The following MOB1B variants were observed in gnomAD, a reference collection of about 807,000 sequenced individuals.
MOB1B encodes MOB kinase activator 1B, also known as MOB1 Mps One Binder homolog B.
MOB1B carries 19 observed loss-of-function variants against 24.4 expected under a neutral mutation model. The ratio of observed to expected loss-of-function variants is 0.78; its 90% CI spans 0.54 to 1.14. The LOEUF is 1.14. MOB1B is among the 50% of genes most tolerant of loss of function. The pLI, the probability that MOB1B is intolerant of heterozygous loss-of-function variation, is 0.00. For synonymous variants in MOB1B, 76 were observed against 82.1 expected, an observed-to-expected ratio of 0.93 and a Z score of 0.40; for missense variants, 243 against 259.6, an observed-to-expected ratio of 0.94 and a Z score of 0.44.
At chr4:70,941,327 G>C (rs1026691294) in intron 1 of MOB1B, among the ~76,000 whole-genome samples, 1 of 152,000 alleles carries the variant, frequency 6.6e-6, no homozygotes, top group African/African-American at 2.4e-5. Flanking sequence ...TGCAACTTAA[G>C]AAATTTGTTT....
chr4:70,943,318 C>G (rs1015799871), intron 1 of MOB1B, among the ~76,000 whole-genome samples: 2 of 152,100 alleles, frequency 1.3e-5, no homozygotes, highest in Admixed American at 6.6e-5. Flanking sequence ...TAGTTTTGCC[C>G]ATTGAACAGC....
chr4:70,958,810 G>A, intron 1 of MOB1B, 64 bp from the exon 2 acceptor site: 1 of 1,406,818 alleles, frequency 7.1e-7, no homozygotes, highest in Non-Finnish European at 1.0e-6. Context: ...AATGCTTGGT[G>A]AATGACTCTA....
At chr4:70,948,338 A>G (rs577288794) in intron 1 of MOB1B, among the ~76,000 whole-genome samples, 2 of 152,306 alleles carry the variant, frequency 1.3e-5, no homozygotes, top group East Asian at 3.9e-4. Flanking sequence ...CATACCTTAC[A>G]AATCGCCCGT....
rs2148895382 is a variant in MOB1B at position 70,961,517 on chromosome 4, C to T, written c.181+2477C>T. The stretch of plus-strand genomic sequence containing the variant: ...ATAACTGAAACCATGGATAGTGAAA[C>T]CACAGATAAAGGAGGACTACTGTAC... On this transcript the variant is annotated intron_variant, in intron 2 of 5. Coordinates refer to ENST00000309395, the MANE Select transcript of MOB1B (RefSeq NM_173468.4). Among the ~76,000 whole-genome samples the T allele has an allele frequency of 2.6e-5, 4 of 152,298 alleles. No individual in the cohort carries two copies. The South Asian group carries it at 8.3e-4, about 32-fold the overall frequency.
At chr4:70,965,711 G>A (rs1298323549) in intron 2 of MOB1B, among the ~76,000 whole-genome samples, 1 of 149,740 alleles carries the variant, frequency 6.7e-6, no homozygotes, top group East Asian at 2.0e-4. Context: ...GCAGGAGAAT[G>A]GCGTGAGCCC....
At chr4:70,927,051 A>G (rs1299540249) in intron 1 of MOB1B, among the ~76,000 whole-genome samples, 1 of 151,756 alleles carries the variant, frequency 6.6e-6, no homozygotes, top group East Asian at 1.9e-4. Context: ...CAAGAATCTT[A>G]GCACTGGAGA....
intron 1 of MOB1B, among the ~76,000 whole-genome samples, chr4:70,941,329 A>C (rs963147092): frequency 6.6e-6 from 1 of 151,972 alleles, no homozygotes; most frequent in African/African-American, 2.4e-5. Flanking sequence ...CAACTTAAGA[A>C]ATTTGTTTTA....
At chr4:70,929,507 G>A (rs986319904) in intron 1 of MOB1B, among the ~76,000 whole-genome samples, 3 of 151,920 alleles carry the variant, frequency 2.0e-5, no homozygotes, top group Non-Finnish European at 4.4e-5. Flanking sequence ...TGGAGATAAG[G>A]TCTTGCTCTG....
At chr4:70,926,832 TA>T (rs1736676841) in intron 1 of MOB1B, among the ~76,000 whole-genome samples, 1 of 151,610 alleles carries the variant, frequency 6.6e-6, no homozygotes, top group Admixed American at 6.6e-5. Context: ...CCGTCTCTAC[TA>T]AAAATACAAA....
At chr4:70,909,999 C>T (rs572837564) in intron 1 of MOB1B, among the ~76,000 whole-genome samples, 3 of 151,892 alleles carry the variant, frequency 2.0e-5, no homozygotes, top group Non-Finnish European at 4.4e-5. Context: ...CCTCCCACCT[C>T]GGCCTCCCAA....
chr4:70,927,974 ATCTTTCTGCCTTTGTAAATGCCGTTCCTG>A (rs1736719923), intron 1 of MOB1B, among the ~76,000 whole-genome samples: 1 of 151,972 alleles, frequency 6.6e-6, no homozygotes, highest in East Asian at 1.9e-4. Flanking sequence ...GCTTTGCTCC[ATCTTTCTGCCTTTGTAAATGCCGTTCCTG>A]TTATTCTGGC....
intron 1 of MOB1B, among the ~76,000 whole-genome samples, chr4:70,920,501 A>G (rs776503083): frequency 1.1e-4 from 17 of 152,268 alleles, no homozygotes; most frequent in Non-Finnish European, 2.2e-4. Flanking sequence ...CTAGGATTAC[A>G]GGCATGAGCC....
intron 2 of MOB1B, among the ~76,000 whole-genome samples, chr4:70,965,810 A>AG: frequency 6.6e-6 from 1 of 150,764 alleles, no homozygotes; most frequent in East Asian, 1.9e-4. Context: ...AAAAAAAAAA[A>AG]AAAAAAAAAA....
intron 1 of MOB1B, among the ~76,000 whole-genome samples, chr4:70,957,980 A>G (rs1046565358): frequency 6.6e-6 from 1 of 151,740 alleles, no homozygotes; most frequent in African/African-American, 2.4e-5. Context: ...ATGTGTATAT[A>G]TACACATACA....
intron 1 of MOB1B, among the ~76,000 whole-genome samples, chr4:70,953,597 T>TA (rs1227981599): frequency 6.6e-6 from 1 of 151,964 alleles, no homozygotes; most frequent in Non-Finnish European, 1.5e-5. Flanking sequence ...AAAAACAAAA[T>TA]AAAAAAATTG....
At chr4:70,969,880 AT>A (rs776246052) in intron 2 of MOB1B, 50 bp from the exon 3 acceptor site, 1 of 1,037,756 alleles carries the variant, frequency 9.6e-7, no homozygotes, top group African/African-American at 1.6e-5. Context: ...TTAAAATTTC[AT>A]TTTAAATTTA....
chr4:70,931,316 C>T (rs1241404153), intron 1 of MOB1B, among the ~76,000 whole-genome samples: 1 of 152,202 alleles, frequency 6.6e-6, no homozygotes, highest in Non-Finnish European at 1.5e-5. Flanking sequence ...ACTGTGTATG[C>T]CCCTGTAAAT....
intron 1 of MOB1B, among the ~76,000 whole-genome samples, chr4:70,907,712 C>T (rs1041334963): frequency 7.2e-5 from 11 of 152,124 alleles, no homozygotes; most frequent in Non-Finnish European, 1.5e-4. Context: ...GCTTAGGAGG[C>T]TGAAGTGGGT....
Sources: allele counts gnomAD v4.1 joint callset (sites outside exome capture counted in the v4.1 genomes callset), GRCh38; gene constraint gnomAD v4.1.1; transcripts MANE v1.5; gene names NCBI Gene and HGNC (gene_info 2026-07-23, HGNC 2026-07-21).